The following PDE8B variants were observed in gnomAD, a reference collection of about 807,000 sequenced individuals.
PDE8B encodes high affinity cAMP-specific and IBMX-insensitive 3',5'-cyclic phosphodiesterase 8B.
A neutral mutation model predicts 101.3 loss-of-function variants in PDE8B; 26 were observed. The observed-to-expected ratio is 0.26, with a 90% CI of 0.19 to 0.36. The LOEUF (loss-of-function observed/expected upper bound fraction) is 0.36. Ranked by LOEUF, PDE8B falls within the 10% of genes least tolerant of loss-of-function variation. The pLI is 1.00. For synonymous variants in PDE8B, 424 were observed against 429.3 expected (o/e 0.99, Z 0.15); for missense variants, 810 against 1,163.1 (o/e 0.70, Z 4.42).
At chr5:77,285,063 T>C (rs1765726230) in intron 1 of PDE8B, among the ~76,000 whole-genome samples, 1 of 152,186 alleles carries the variant, frequency 6.6e-6, no homozygotes, top group Non-Finnish European at 1.5e-5. Flanking sequence ...GTAATAATTT[T>C]CCTCCCTTTC....
At chr5:77,235,976 T>G (rs762703812) in intron 1 of PDE8B, among the ~76,000 whole-genome samples, 1 of 152,172 alleles carries the variant, frequency 6.6e-6, no homozygotes, top group Non-Finnish European at 1.5e-5. Flanking sequence ...GTAATTTATT[T>G]AAGGTCACAC....
chr5:77,269,850 T>A (rs1437558122), intron 1 of PDE8B, among the ~76,000 whole-genome samples: 1 of 152,212 alleles, frequency 6.6e-6, no homozygotes, highest in Non-Finnish European at 1.5e-5. Context: ...TTTATGCCAG[T>A]ACCATGCTGT....
At chr5:77,161,390 ATGAT>A in the PDE8B span, among the ~76,000 whole-genome samples, 1 of 152,138 alleles carries the variant, frequency 6.6e-6, no homozygotes, top group African/African-American at 2.4e-5. Context: ...TTTCCATTGT[ATGAT>A]TATCATTTTG....
chr5:77,215,997 C>A (rs981720517), intron 1 of PDE8B, among the ~76,000 whole-genome samples: 1 of 152,138 alleles, frequency 6.6e-6, no homozygotes, highest in African/African-American at 2.4e-5. Flanking sequence ...GGTGACCAAT[C>A]GGAGGGCTGT....
the PDE8B span, among the ~76,000 whole-genome samples, chr5:77,100,580 G>A: frequency 6.6e-6 from 1 of 152,218 alleles, no homozygotes; most frequent in African/African-American, 2.4e-5. Flanking sequence ...GGTGGGAGGG[G>A]ATATGGAAAA....
chr5:77,421,172 CCTGA>C (rs1314161528), intron 19 of PDE8B, among the ~76,000 whole-genome samples: 18 of 152,164 alleles, frequency 1.2e-4, no homozygotes, highest in African/African-American at 3.9e-4. Context: ...CACACCTGCT[CCTGA>C]CTACTTCCTA....
chr5:77,335,532 G>GGTGTGTGTGT (rs35776739), intron 5 of PDE8B, among the ~76,000 whole-genome samples: 73 of 145,676 alleles, frequency 5.0e-4, no homozygotes, highest in Middle Eastern at 3.6e-3. Context: ...GTATATGTGG[G>GGTGTGTGTGT]GTGTGTGTGT....
At chr5:77,391,770 TTTTG>T (rs1434718715) in intron 10 of PDE8B, among the ~76,000 whole-genome samples, 1 of 152,182 alleles carries the variant, frequency 6.6e-6, no homozygotes, top group African/African-American at 2.4e-5. Context: ...TTTTGTTGTG[TTTTG>T]TTTGTTTTTT....
At chr5:77,191,385 C>T in the PDE8B span, among the ~76,000 whole-genome samples, 1 of 151,188 alleles carries the variant, frequency 6.6e-6, no homozygotes, top group Non-Finnish European at 1.5e-5. Context: ...CGGAGTCTCA[C>T]TCTGTTGCCC....
intron 1 of PDE8B, among the ~76,000 whole-genome samples, chr5:77,214,454 A>T (rs1749205910): frequency 1.3e-5 from 2 of 152,200 alleles, no homozygotes; most frequent in South Asian, 4.1e-4. Context: ...TGTAGGTGCT[A>T]GCGATTCAGG....
the PDE8B span, among the ~76,000 whole-genome samples, chr5:77,182,010 A>G: frequency 6.6e-6 from 1 of 151,430 alleles, no homozygotes; most frequent in African/African-American, 2.4e-5. Flanking sequence ...CAAAAACAGA[A>G]GAATGACAAT....
chr5:77,099,764 C>A, the PDE8B span, among the ~76,000 whole-genome samples: 1 of 152,086 alleles, frequency 6.6e-6, no homozygotes, highest in East Asian at 1.9e-4. Flanking sequence ...TGCACGTCAC[C>A]ACACCCAGCT....
At chr5:77,335,550 TGTGTGTGTGTGTGTGA>T (rs1426022666) in intron 5 of PDE8B, among the ~76,000 whole-genome samples, 4 of 127,972 alleles carry the variant, frequency 3.1e-5, no homozygotes, top group African/African-American at 1.2e-4. Context: ...TGTGTGTGTG[TGTGTGTGTGTGTGTGA>T]GAGAGAGAGG....
the PDE8B span, among the ~76,000 whole-genome samples, chr5:77,137,103 T>G: frequency 1.6e-4 from 24 of 152,350 alleles, no homozygotes; most frequent in Non-Finnish European, 3.2e-4. Context: ...AGTCCTCTAG[T>G]TGCTTTTTGT....
At chr5:77,289,850 G>A (rs938779784) in intron 1 of PDE8B, among the ~76,000 whole-genome samples, 1 of 152,170 alleles carries the variant, frequency 6.6e-6, no homozygotes, top group Non-Finnish European at 1.5e-5. Flanking sequence ...GTTGACATTT[G>A]TGTTTTCATG....
chr5:77,422,427 G>GT (rs984928946), intron 20 of PDE8B, among the ~76,000 whole-genome samples: 1 of 152,116 alleles, frequency 6.6e-6, no homozygotes, highest in Admixed American at 6.5e-5. Context: ...AAAATGAAGT[G>GT]TATCTCAAGG....
Position 77,401,391 on chromosome 5 carries a change from T to G in PDE8B, c.1210+1101T>G, listed in dbSNP as rs149632544. 4.6e-5 allele frequency among the ~76,000 whole-genome samples: 7 copies of G among 152,360 alleles called. No individual in the cohort carries two copies. In the East Asian group the frequency reaches 1.3e-3, roughly 29 times the overall value. On this transcript the variant is annotated intron_variant, in intron 11 of 21. Transcript: ENST00000264917. ...CCAAGCATTTTTGTGTCCTTTGCAGTGCCCAGCATTGCCTTGTACATAATA... is the reference window on the plus strand; with the variant it reads ...CCAAGCATTTTTGTGTCCTTTGCAGGGCCCAGCATTGCCTTGTACATAATA...
chr5:77,126,245 A>G, the PDE8B span, among the ~76,000 whole-genome samples: 1 of 152,126 alleles, frequency 6.6e-6, no homozygotes. Context: ...AGTTTGTGCC[A>G]CTACATTCCA....
chr5:77,171,113 T>C, the PDE8B span, among the ~76,000 whole-genome samples: 1 of 152,172 alleles, frequency 6.6e-6, no homozygotes, highest in Non-Finnish European at 1.5e-5. Flanking sequence ...ATGGAAATAA[T>C]TGGAGAAAGC....
Sources: gnomAD v4.1 joint callset for allele counts (sites outside exome capture counted in the v4.1 genomes callset) on GRCh38, gnomAD v4.1.1 for gene constraint, MANE v1.5 for transcripts, NCBI Gene and HGNC (gene_info 2026-07-23, HGNC 2026-07-21) for gene names.